The following SLC9B1 variants were observed in gnomAD, a reference collection of about 807,000 sequenced individuals.
The protein encoded by SLC9B1 is sodium/hydrogen exchanger 9B1.
A neutral mutation model predicts 51.7 loss-of-function variants in SLC9B1; 32 were observed. The ratio of observed to expected loss-of-function variants is 0.62; its 90% CI spans 0.47 to 0.83. The LOEUF (loss-of-function observed/expected upper bound fraction) is 0.83. Ranked by LOEUF, SLC9B1 falls within the 40% of genes least tolerant of loss-of-function variation. SLC9B1 has a pLI of 0.00. For missense variants in SLC9B1, 406 were observed against 613.2 expected (o/e 0.66, Z 3.57); for synonymous variants, 145 against 212.7 (o/e 0.68, Z 2.77).
chr4:103,004,016 C>T (rs1464329006), intron 1 of SLC9B1, among the ~76,000 whole-genome samples: 1 of 152,176 alleles, frequency 6.6e-6, no homozygotes, highest in African/African-American at 2.4e-5. Context: ...AGCACAAGAA[C>T]TCTGGCAACT....
intron 7 of SLC9B1, among the ~76,000 whole-genome samples, chr4:102,926,008 TCAATAGATGCAG>T (rs2110451007): frequency 6.6e-6 from 1 of 152,352 alleles, no homozygotes; most frequent in Non-Finnish European, 1.5e-5. Context: ...CATGATTATC[TCAATAGATGCAG>T]AAAAGGCCTT....
Position 103,019,633 on chromosome 4 carries a change from A to G in SLC9B1, c.-36T>C, listed in dbSNP as rs900546675. ...CTTTCGCAGCCCTCGCTGGCCCGGG[A>G]GCGGCCCAGGAGCCCAGTGACCGTT... On this transcript the variant is annotated 5_prime_UTR_variant, in exon 1 of 12. Transcript: ENST00000296422. The G allele has an allele frequency of 1.0e-6, 1 of 985,440 alleles. No homozygotes were observed. The highest frequency in any genetic ancestry group is 1.2e-6 in the Non-Finnish European group (1 of 829,954). 61.0% of individuals were successfully genotyped at this position (985,440 alleles called of 1,614,324 possible). A position where few individuals can be genotyped will look rare whatever the true frequency, so the allele number is the denominator to read the frequency against.
intron 7 of SLC9B1, among the ~76,000 whole-genome samples, chr4:102,913,184 C>T (rs1042025087): frequency 3.9e-5 from 6 of 152,194 alleles, no homozygotes; most frequent in South Asian, 4.2e-4. Flanking sequence ...AAGACTGGAA[C>T]GGAATAGTTT....
At chr4:102,906,080 C>T (rs1163407284) in intron 10 of SLC9B1, among the ~76,000 whole-genome samples, 5 of 152,066 alleles carry the variant, frequency 3.3e-5, no homozygotes, top group East Asian at 3.9e-4. Context: ...GGATTACAGA[C>T]GCGCACTACC....
intron 7 of SLC9B1, among the ~76,000 whole-genome samples, chr4:102,920,436 AC>A (rs1335450316): frequency 6.6e-6 from 1 of 152,226 alleles, no homozygotes; most frequent in African/African-American, 2.4e-5. Flanking sequence ...GGTAGATAAA[AC>A]CAAAAGGATA....
At chr4:103,004,176 G>C (rs1740670250) in intron 1 of SLC9B1, among the ~76,000 whole-genome samples, 2 of 152,132 alleles carry the variant, frequency 1.3e-5, no homozygotes, top group Admixed American at 1.3e-4. Flanking sequence ...CCAATGCAAG[G>C]ATTCTAAGGA....
chr4:102,918,096 G>GGA (rs1553975543), intron 7 of SLC9B1, among the ~76,000 whole-genome samples: 23 of 120,626 alleles, frequency 1.9e-4, no homozygotes, highest in African/African-American at 6.7e-4. Flanking sequence ...AAAGGCTAGA[G>GGA]AAAAAAAAAA....
chr4:102,955,863 A>G (rs1228741248), intron 3 of SLC9B1, among the ~76,000 whole-genome samples: 1 of 129,206 alleles, frequency 7.7e-6, no homozygotes, highest in Non-Finnish European at 1.6e-5. Context: ...GAAAGAAAGA[A>G]AGAAAGAAAG....
At chr4:102,907,520 C>T (rs1316612356) in intron 9 of SLC9B1, among the ~76,000 whole-genome samples, 1 of 152,162 alleles carries the variant, frequency 6.6e-6, no homozygotes, top group African/African-American at 2.4e-5. Flanking sequence ...ATTAGATTCT[C>T]ATTTAACTGC....
At chr4:102,895,434 A>G (rs1734490145) in intron 11 of SLC9B1, among the ~76,000 whole-genome samples, 1 of 152,214 alleles carries the variant, frequency 6.6e-6, no homozygotes, top group South Asian at 2.1e-4. Flanking sequence ...ACTTAATGAC[A>G]AAATATGTTT....
rs56014819 is a variant in SLC9B1, at chr4:102,939,406, CA to C, written c.653+5786del. 7.2e-3 allele frequency among the ~76,000 whole-genome samples: 492 copies of C among 68,178 alleles called. 2 individuals carry two copies. The highest frequency in any genetic ancestry group is 0.019 in the East Asian group (41 of 2,126). 44.7% of individuals were successfully genotyped at this position (68,178 alleles called of 152,430 possible). A position where few individuals can be genotyped will look rare whatever the true frequency, so the allele number is the denominator to read the frequency against. ...AATGAGTAATAAAAAGTCTCTGAGC[CA>C]AAAAAAAAAAAAAAAAAAAAAGCAA... is the stretch of plus-strand genomic sequence containing the variant. On this transcript the variant is annotated intron_variant, in intron 6 of 11. Coordinates refer to ENST00000296422, the MANE Select transcript of SLC9B1 (RefSeq NM_139173.4).
At chr4:102,982,752 CACTT>C (rs1739423826) in intron 3 of SLC9B1, among the ~76,000 whole-genome samples, 1 of 152,064 alleles carries the variant, frequency 6.6e-6, no homozygotes. Context: ...CCATCTTACT[CACTT>C]AGTAGTTGTT....
intron 3 of SLC9B1, among the ~76,000 whole-genome samples, chr4:102,975,584 A>ATTGTTTTTTT (rs1466561136): frequency 1.2e-5 from 1 of 80,180 alleles, no homozygotes; most frequent in African/African-American, 5.5e-5. Flanking sequence ...ATATATATAT[A>ATTGTTTTTTT]TATTTTTTTT....
Position 102,894,785 on chromosome 4 carries a change from A to C in SLC9B1, c.1333-9457T>G, listed in dbSNP as rs1578325017. On this transcript the variant is annotated intron_variant, in intron 11 of 11. Transcript: ENST00000394789. ...CAGCTTGGGCAAATTGTGAAACGCT[A>C]TCTCTAACCAAAACAAAAAGCTAGT... Among the ~76,000 whole-genome samples the C allele has an allele frequency of 2.0e-5, 3 of 152,206 alleles. No individual in the cohort carries two copies. The South Asian group carries it at 6.2e-4, about 32-fold the overall frequency.
At chr4:102,966,264 G>T (rs1270512685) in intron 3 of SLC9B1, among the ~76,000 whole-genome samples, 1 of 152,174 alleles carries the variant, frequency 6.6e-6, no homozygotes, top group Non-Finnish European at 1.5e-5. Flanking sequence ...AGTGGCTCTG[G>T]CCCTGCAACA....
At chr4:102,966,208 C>T (rs988071030) in intron 3 of SLC9B1, among the ~76,000 whole-genome samples, 7 of 152,220 alleles carry the variant, frequency 4.6e-5, no homozygotes, top group Admixed American at 2.6e-4. Flanking sequence ...GTGGCAGCTC[C>T]AACCCTACAT....
At chr4:102,947,412 G>A (rs898410198) in intron 4 of SLC9B1, among the ~76,000 whole-genome samples, 15 of 152,208 alleles carry the variant, frequency 9.9e-5, no homozygotes, top group African/African-American at 3.6e-4. Context: ...GTCTCATTCT[G>A]TTGTCCAAGG....
At chr4:103,018,469 T>A (rs938042184) in intron 1 of SLC9B1, among the ~76,000 whole-genome samples, 2 of 152,200 alleles carry the variant, frequency 1.3e-5, no homozygotes, top group African/African-American at 4.8e-5. Context: ...ACACAGTGAC[T>A]AAAATATTTG....
At chr4:102,949,544 G>A (rs1737440275) in intron 3 of SLC9B1, 117 bp from the exon 4 acceptor site, 2 of 679,134 alleles carry the variant, frequency 2.9e-6, no homozygotes, top group Admixed American at 3.8e-5. Context: ...ATGATACATG[G>A]TATAGATCAA....
Sources: gnomAD v4.1 joint callset for allele counts (sites outside exome capture counted in the v4.1 genomes callset) on GRCh38, gnomAD v4.1.1 for gene constraint, MANE v1.5 for transcripts, NCBI Gene and HGNC (gene_info 2026-07-23, HGNC 2026-07-21) for gene names.